BIN1: variants seen among roughly 807,000 people sequenced by gnomAD.
BIN1 encodes bridging integrator 1, also known as myc box-dependent-interacting protein 1.
BIN1 carries 53 observed loss-of-function variants against 82.0 expected under a neutral mutation model. The observed-to-expected ratio is 0.65, with a 90% CI of 0.52 to 0.81. The LOEUF (loss-of-function observed/expected upper bound fraction) is 0.81, where lower values mean the gene tolerates loss of function less well. Ranked by LOEUF, BIN1 falls within the 40% of genes least tolerant of loss-of-function variation. BIN1 has a pLI of 0.00. For synonymous variants in BIN1, 302 were observed against 328.0 expected, an observed-to-expected ratio of 0.92 and a Z score of 0.86; for missense variants, 642 against 784.4, an observed-to-expected ratio of 0.82 and a Z score of 2.17.
Position 127,048,440 on chromosome 2 carries a change from A to G in BIN1, c.*86T>C. 7 of 1,346,514 alleles carry G rather than the reference A, an allele frequency of 5.2e-6. No individual in the cohort carries two copies. The highest frequency in any genetic ancestry group is 4.2e-6 in the Non-Finnish European group (4 of 944,190). 83.4% of individuals were successfully genotyped at this position (1,346,514 alleles called of 1,614,324 possible). A position where few individuals can be genotyped will look rare whatever the true frequency, so the allele number is the denominator to read the frequency against. On this transcript the variant is annotated 3_prime_UTR_variant, in exon 19 of 19. Coordinates refer to ENST00000316724, the MANE Select transcript of BIN1 (RefSeq NM_139343.3). The stretch of plus-strand genomic sequence containing the variant: ...TTCCCTTTGCTCTTCAAAAGATGAA[A>G]AACGAAAACAAAACAAAAAAAAGAA...
At chr2:127,084,213 A>G (rs1404594287) in intron 1 of BIN1, among the ~76,000 whole-genome samples, 1 of 152,240 alleles carries the variant, frequency 6.6e-6, no homozygotes, top group Non-Finnish European at 1.5e-5. Flanking sequence ...CCGTATGCGC[A>G]GTGAAGTCTG....
At chr2:127,080,292 C>T (rs564766674) in intron 1 of BIN1, among the ~76,000 whole-genome samples, 1 of 152,354 alleles carries the variant, frequency 6.6e-6, no homozygotes, top group South Asian at 2.1e-4. Context: ...AGTGGGGCCT[C>T]CCCTGTGCCG....
At position 127,050,667 on chromosome 2, in the gene BIN1, C is replaced by T. The variant is rs1682804496; in HGVS notation, c.1572+135G>A. On this transcript the variant is annotated intron_variant, in intron 17 of 18. Transcript: ENST00000316724. ...AGCAGGACAGTATGGGGCTCAGATG[C>T]CACCTTGCTGGCTGGGAGTGACCTA... The T allele has an allele frequency of 8.3e-6, 11 of 1,322,406 alleles. No individual in the cohort carries two copies. The Admixed American group carries it at 2.0e-4, about 24-fold the overall frequency. 81.9% of individuals were successfully genotyped at this position (1,322,406 alleles called of 1,614,324 possible). A position where few individuals can be genotyped will look rare whatever the true frequency, so the allele number is the denominator to read the frequency against.
chr2:127,061,731 T>C (rs1313245425), intron 10 of BIN1, among the ~76,000 whole-genome samples: 1 of 151,986 alleles, frequency 6.6e-6, no homozygotes, highest in Non-Finnish European at 1.5e-5. Context: ...GGAAGGGCGG[T>C]GCTATCTCCC....
chr2:127,088,986 C>A (rs985780904), intron 1 of BIN1, among the ~76,000 whole-genome samples: 1 of 152,108 alleles, frequency 6.6e-6, no homozygotes, highest in East Asian at 1.9e-4. Context: ...TGGCAGGGGG[C>A]AGGGAGGACC....
intron 15 of BIN1, 30 bp downstream of exon 15, chr2:127,052,225 G>T: frequency 6.5e-7 from 1 of 1,548,760 alleles, no homozygotes. Context: ...CTGGGGACAA[G>T]CCAGACAGGG....
In BIN1 at chr2:127,082,417, G is replaced by A. The variant is rs1687415715; in HGVS notation, c.85-5711C>T. On this transcript the variant is annotated intron_variant, in intron 1 of 18. Transcript: ENST00000316724. This position sits in a 1 kb window ranked among gnomAD's most constrained non-coding sequence, Gnocchi z 6.1. ...TCTGAGGCCTTGCAGGCACTCAGCTGGGGATACCAGGGACATCGCAGGACA... is the reference window on the plus strand; with the variant it reads ...TCTGAGGCCTTGCAGGCACTCAGCTAGGGATACCAGGGACATCGCAGGACA... Among the ~76,000 whole-genome samples the A allele has an allele frequency of 6.6e-6, 1 of 152,146 alleles. No individual in the cohort carries two copies. Among genetic ancestry groups the A allele is most frequent in the Non-Finnish European group, 1.5e-5 (1 of 68,014 alleles).
chr2:127,106,025 G>C (rs1681070021), intron 1 of BIN1, among the ~76,000 whole-genome samples: 1 of 152,252 alleles, frequency 6.6e-6, no homozygotes, highest in Non-Finnish European at 1.5e-5. Context: ...CACGCTCTGG[G>C]CACCCTGGGA....
At position 127,082,925 on chromosome 2, in the gene BIN1, T is replaced by C. The variant is rs1687481913; in HGVS notation, c.85-6219A>G. Among the ~76,000 whole-genome samples the C allele has an allele frequency of 6.6e-6, 1 of 151,472 alleles. No individual in the cohort carries two copies. Among genetic ancestry groups the C allele is most frequent in the South Asian group, 2.1e-4 (1 of 4,790 alleles). ...GGAAAAGAGGTTCTAAGCCCACCAC[T>C]CACCTCCACATTTCATGTGGCCCTC... On this transcript the variant is annotated intron_variant, in intron 1 of 18. Coordinates refer to ENST00000316724, the MANE Select transcript of BIN1 (RefSeq NM_139343.3). This position sits in a 1 kb window ranked among gnomAD's most constrained non-coding sequence, Gnocchi z 6.1.
rs1344127351 is a variant in BIN1, at chr2:127,051,261, G to T, written c.1372-18C>A. The T allele has an allele frequency of 1.2e-6, 2 of 1,613,022 alleles. No homozygotes were observed. Among genetic ancestry groups the T allele is most frequent in the African/African-American group, 2.7e-5 (2 of 74,916 alleles). On this transcript the variant is annotated intron_variant, in intron 15 of 18. Transcript: ENST00000316724. ...TCTGCTGGCTGCAACATAAATGCCG[G>T]CTTGGGGTCAGACACAGGACAGGAC...
Position 127,049,893 on chromosome 2 carries a change from T to C in BIN1, c.1674+528A>G, listed in dbSNP as rs947676214. 2.6e-5 allele frequency among the ~76,000 whole-genome samples: 4 copies of C among 152,200 alleles called. No individual in the cohort carries two copies. In the South Asian group the frequency reaches 8.3e-4, roughly 32 times the overall value. ...AGAAGGGTCTGGAAGGCATCGTGGGTGAGCCTCAGCCGGGGACACAGCTGG... is the reference window on the plus strand; with the variant it reads ...AGAAGGGTCTGGAAGGCATCGTGGGCGAGCCTCAGCCGGGGACACAGCTGG... On this transcript the variant is annotated intron_variant, in intron 18 of 18. Coordinates refer to ENST00000316724, the MANE Select transcript of BIN1 (RefSeq NM_139343.3).
intron 12 of BIN1, chr2:127,054,949 T>C (rs1447330646): frequency 6.6e-6 from 1 of 152,258 alleles, no homozygotes; most frequent in Non-Finnish European, 1.5e-5. Flanking sequence ...CAAGCTGCCT[T>C]CTGAGGAGCA....
At chr2:127,094,308 T>C (rs900060642) in intron 1 of BIN1, among the ~76,000 whole-genome samples, 4 of 152,202 alleles carry the variant, frequency 2.6e-5, no homozygotes, top group Non-Finnish European at 5.9e-5. Flanking sequence ...ACAAAGGCTT[T>C]TATCCTCCGA....
At chr2:127,098,680 A>C (rs1387109296) in intron 1 of BIN1, among the ~76,000 whole-genome samples, 2 of 152,364 alleles carry the variant, frequency 1.3e-5, no homozygotes, top group East Asian at 3.9e-4. Context: ...CTTTGCAAAA[A>C]GCCAGCAAAA....
At position 127,082,485 on chromosome 2, in the gene BIN1, G is replaced by A. The variant is rs1173053745; in HGVS notation, c.85-5779C>T. On this transcript the variant is annotated intron_variant, in intron 1 of 18. Coordinates refer to ENST00000316724, the MANE Select transcript of BIN1 (RefSeq NM_139343.3). The surrounding 1 kb of genome is among the most constrained non-coding windows in gnomAD (Gnocchi z 6.1). Reference sequence around the variant, plus strand: ...GGGTTGGCGTGGGCAGGCCATGGTGGGCGCCCAGGCAGGGGAAGGGGTACA... The same window carrying A: ...GGGTTGGCGTGGGCAGGCCATGGTGAGCGCCCAGGCAGGGGAAGGGGTACA... Among the ~76,000 whole-genome samples the A allele has an allele frequency of 6.6e-6, 1 of 151,928 alleles. No homozygotes were observed. The highest frequency in any genetic ancestry group is 2.1e-4 in the South Asian group (1 of 4,816).
Position 127,075,487 on chromosome 2 carries a change from G to C in BIN1, c.165+1139C>G, listed in dbSNP as rs140863228. Among the ~76,000 whole-genome samples, 3 of 152,322 alleles carry C rather than the reference G, an allele frequency of 2.0e-5. No individual in the cohort carries two copies. In the East Asian group the frequency reaches 5.8e-4, roughly 29 times the overall value. On this transcript the variant is annotated intron_variant, in intron 2 of 18. Transcript: ENST00000316724. ...ATTGCCCAGAGCCACAGAGGCAGTA[G>C]ATATCCCTGCCACAGGGTCTACCTG...
intron 12 of BIN1, chr2:127,055,501 T>A (rs949734120): frequency 6.6e-6 from 1 of 152,226 alleles, no homozygotes; most frequent in Non-Finnish European, 1.5e-5. Context: ...GGGAGGTCAC[T>A]GCTCTGCCCC....
chr2:127,052,984 A>G lies in BIN1; in HGVS notation c.1263+438T>C, dbSNP rs114050616. On this transcript the variant is annotated intron_variant, in intron 14 of 18. Coordinates refer to ENST00000316724, the MANE Select transcript of BIN1 (RefSeq NM_139343.3). ...CTGTCTTCCCTGACTCTCTCAAACC[A>G]TCCATTCCTCCCCTCTCCCCTTCCT... The G allele has an allele frequency of 1.7e-3, 496 of 295,078 alleles. 4 individuals are homozygous for G. Among genetic ancestry groups the G allele is most frequent in the African/African-American group, 9.8e-3 (455 of 46,462 alleles). 18.3% of individuals were successfully genotyped at this position (295,078 alleles called of 1,614,324 possible). A position where few individuals can be genotyped will look rare whatever the true frequency, so the allele number is the denominator to read the frequency against.
In BIN1 at chr2:127,070,604, C is replaced by T; in HGVS notation, c.264G>A (p.Glu88=). The T allele has an allele frequency of 6.2e-7, 1 of 1,614,160 alleles. No homozygotes were observed. The highest frequency in any genetic ancestry group is 1.3e-5 in the African/African-American group (1 of 75,044). Reference sequence around the variant, plus strand: ...TGCCGGGCCAATCGGGCTCATACACCTCCTGCAGACACTCATTCAGCTTCT... The same window carrying T: ...TGCCGGGCCAATCGGGCTCATACACTTCCTGCAGACACTCATTCAGCTTCT... ...ASKKLNECLQ[E]VYEPDWPGRD... is the part of the protein sequence containing the mutation. The change falls in exon 4 of 19, where the codon GAG becomes GAA. Residue 88 remains glutamate, a synonymous_variant. Transcript: ENST00000316724.
Sources: gnomAD v4.1 joint callset for allele counts (sites outside exome capture counted in the v4.1 genomes callset) on GRCh38, gnomAD v4.1.1 for gene constraint, Gnocchi (gnomAD v3.1) non-coding constraint, MANE v1.5 for transcripts, NCBI Gene and HGNC (gene_info 2026-07-23, HGNC 2026-07-21) for gene names.